Variants in CNTN4 observed in about 807,000 individuals in gnomAD.
CNTN4 encodes contactin-4.
Under a neutral mutation model 122.5 loss-of-function variants are expected in CNTN4, and 77 were observed. The ratio of observed to expected loss-of-function variants is 0.63; its 90% confidence interval spans 0.52 to 0.76. The LOEUF (loss-of-function observed/expected upper bound fraction) is 0.76, where lower values mean the gene tolerates loss of function less well. Ranked by LOEUF, CNTN4 falls within the 30% of genes least tolerant of loss-of-function variation. CNTN4 has a pLI of 0.00. For synonymous variants in CNTN4, 512 were observed against 447.0 expected (o/e 1.15, Z -1.83); for missense variants, 1,256 against 1,259.1 (o/e 1.00, Z 0.04).
intron 14 of CNTN4, among the ~76,000 whole-genome samples, chr3:3,009,475 C>T (rs1452150824): frequency 2.0e-5 from 3 of 151,840 alleles, no homozygotes; most frequent in Admixed American, 6.6e-5. Context: ...GCTCTGTCGC[C>T]CAGGCTGGAG....
chr3:2,845,639 T>G (rs572252872), intron 7 of CNTN4, among the ~76,000 whole-genome samples: 1 of 152,108 alleles, frequency 6.6e-6, no homozygotes, highest in Non-Finnish European at 1.5e-5. Flanking sequence ...AGAGTAGAGA[T>G]TGCAGTTTCA....
intron 14 of CNTN4, among the ~76,000 whole-genome samples, chr3:2,994,613 A>ATATATATATATATATATATATATATG (rs370506181): frequency 1.3e-3 from 182 of 142,098 alleles, no homozygotes; most frequent in African/African-American, 4.4e-3. Flanking sequence ...ATATATATAT[A>ATATATATATATATATATATATATATG]TGTGTGTATA....
At chr3:2,736,586 C>T (rs2089113381) in intron 5 of CNTN4, among the ~76,000 whole-genome samples, 1 of 151,404 alleles carries the variant, frequency 6.6e-6, no homozygotes, top group Non-Finnish European at 1.5e-5. Context: ...GCCTCAGCCT[C>T]CCGAGTAGCT....
chr3:2,570,824 T>A (rs1007201448), intron 3 of CNTN4, among the ~76,000 whole-genome samples: 2 of 152,224 alleles, frequency 1.3e-5, no homozygotes, highest in African/African-American at 4.8e-5. Flanking sequence ...TATATCCAAA[T>A]GAACCTAGTA....
rs2075540072 is a variant in CNTN4, at chr3:2,467,350, A to G, written c.-88-104066A>G. Among the ~76,000 whole-genome samples the G allele has an allele frequency of 3.9e-5, 6 of 152,320 alleles. No individual in the cohort carries two copies. In the South Asian group the frequency reaches 8.3e-4, roughly 21 times the overall value. ...GACTGGGAAACTGTAAATGTTAATT[A>G]TATTTGCCCTTGGACAGTTATTAAC... On this transcript the variant is annotated intron_variant, in intron 3 of 24. Transcript: ENST00000418658.
chr3:2,324,955 C>T (rs2150238964), intron 2 of CNTN4, among the ~76,000 whole-genome samples: 1 of 152,244 alleles, frequency 6.6e-6, no homozygotes, highest in Admixed American at 6.5e-5. Flanking sequence ...TTTTTCATTC[C>T]CTTATTTTCA....
At chr3:2,180,060 T>C (rs1378107331) in intron 2 of CNTN4, among the ~76,000 whole-genome samples, 2 of 151,454 alleles carry the variant, frequency 1.3e-5, no homozygotes, top group African/African-American at 2.4e-5. Flanking sequence ...GGCTGCTGAA[T>C]TAGATGGTGC....
chr3:2,215,528 A>G (rs2038798287), intron 2 of CNTN4, among the ~76,000 whole-genome samples: 1 of 152,142 alleles, frequency 6.6e-6, no homozygotes. Flanking sequence ...CAACTTTACT[A>G]GTATTGCCAA....
intron 4 of CNTN4, among the ~76,000 whole-genome samples, chr3:2,693,772 G>A (rs960139456): frequency 1.3e-5 from 2 of 152,088 alleles, no homozygotes; most frequent in Non-Finnish European, 2.9e-5. Flanking sequence ...AACTTGCATC[G>A]TCCTCTCAAG....
At chr3:2,761,460 G>T (rs1339729266) in intron 6 of CNTN4, among the ~76,000 whole-genome samples, 6 of 151,954 alleles carry the variant, frequency 3.9e-5, no homozygotes, top group African/African-American at 4.8e-5. Flanking sequence ...GTGTGTGTGT[G>T]TGTGTGTGTG....
At chr3:2,949,011 G>C (rs1349722231) in intron 13 of CNTN4, among the ~76,000 whole-genome samples, 3 of 151,970 alleles carry the variant, frequency 2.0e-5, no homozygotes, top group Non-Finnish European at 2.9e-5. Flanking sequence ...ATCCTGCAGT[G>C]TCCTACATAG....
At chr3:2,234,457 C>G (rs2039609321) in intron 2 of CNTN4, among the ~76,000 whole-genome samples, 1 of 151,152 alleles carries the variant, frequency 6.6e-6, no homozygotes, top group African/African-American at 2.4e-5. Flanking sequence ...TTAGTCTCTG[C>G]TCATCTCATT....
intron 2 of CNTN4, among the ~76,000 whole-genome samples, chr3:2,260,655 A>G (rs1159785100): frequency 3.3e-5 from 5 of 151,918 alleles, no homozygotes; most frequent in African/African-American, 7.2e-5. Context: ...ATTTAATACA[A>G]TGTTGCCTGC....
At chr3:2,962,125 T>C (rs995576548) in intron 13 of CNTN4, among the ~76,000 whole-genome samples, 1 of 152,270 alleles carries the variant, frequency 6.6e-6, no homozygotes, top group Non-Finnish European at 1.5e-5. Context: ...ATATGATTTT[T>C]GAATTCCCTC....
intron 14 of CNTN4, among the ~76,000 whole-genome samples, chr3:3,007,186 A>C (rs750564883): frequency 1.1e-4 from 17 of 152,264 alleles, no homozygotes; most frequent in Non-Finnish European, 2.2e-4. Context: ...CAATGCTCTC[A>C]GCAGACAAAA....
intron 2 of CNTN4, among the ~76,000 whole-genome samples, chr3:2,196,681 G>A (rs2037847897): frequency 6.6e-6 from 1 of 151,994 alleles, no homozygotes; most frequent in Non-Finnish European, 1.5e-5. Flanking sequence ...TGTTGACTGG[G>A]GTGTGTTATG....
chr3:2,186,293 G>T (rs1314467046), intron 2 of CNTN4, among the ~76,000 whole-genome samples: 1 of 152,140 alleles, frequency 6.6e-6, no homozygotes, highest in Non-Finnish European at 1.5e-5. Flanking sequence ...GTATTTCATG[G>T]TGTATATGTG....
At chr3:2,601,322 T>G (rs1439250646) in intron 4 of CNTN4, among the ~76,000 whole-genome samples, 1 of 152,222 alleles carries the variant, frequency 6.6e-6, no homozygotes, top group African/African-American at 2.4e-5. Flanking sequence ...TTCTAGCATT[T>G]TTATGGTTTT....
chr3:2,109,974 T>C (rs2032816829), intron 2 of CNTN4, among the ~76,000 whole-genome samples: 1 of 152,252 alleles, frequency 6.6e-6, no homozygotes, highest in Non-Finnish European at 1.5e-5. Context: ...TCATCTAGAA[T>C]TCTTGGATCT....
Sources: allele counts gnomAD v4.1 joint callset (sites outside exome capture counted in the v4.1 genomes callset), GRCh38; gene constraint gnomAD v4.1.1; transcripts MANE v1.5; gene names NCBI Gene and HGNC (gene_info 2026-07-23, HGNC 2026-07-21).